NFATC1: variants seen among roughly 807,000 people sequenced by gnomAD.
NFATC1 encodes nuclear factor of activated T cells 1.
Under a neutral mutation model 76.0 loss-of-function variants are expected in NFATC1, and 22 were observed. That is an observed-to-expected ratio of 0.29 (90% CI 0.21 to 0.41). The LOEUF (loss-of-function observed/expected upper bound fraction) is 0.41, where lower values mean the gene tolerates loss of function less well. NFATC1 is among the 10% of genes least tolerant of loss of function. The probability of loss-of-function intolerance (pLI) is 1.00; values close to 1 mark genes in which losing one functional copy is unlikely to be tolerated. For missense variants in NFATC1, 1,357 were observed against 1,337.7 expected (o/e 1.01, Z -0.23); for synonymous variants, 704 against 613.1 (o/e 1.15, Z -2.19).
In NFATC1 at chr18:79,451,781, A is replaced by G. The variant is rs1568979046; in HGVS notation, c.1868A>G (p.Gln623Arg). Residue 623 changes from glutamine (Q) to arginine (R), a missense_variant, in exon 6 of 10, where the codon CAG becomes CGG. This residue lies in a region of NFATC1 where 242 missense variants were observed against 329.2 expected (regional missense o/e 0.74). Transcript: ENST00000427363. Reference sequence around the variant, plus strand: ...GTCCTGTCTGGCCACAACTTCCTGCAGGACTCCAAGGTCATTTTCGTGGAG... The same window carrying G: ...GTCCTGTCTGGCCACAACTTCCTGCGGGACTCCAAGGTCATTTTCGTGGAG... ...KMVLSGHNFL[Q>R]DSKVIFVEKA... is the part of the protein sequence containing the mutation. 1 of 1,612,732 alleles carries G rather than the reference A, an allele frequency of 6.2e-7. No homozygotes were observed. Among genetic ancestry groups the G allele is most frequent in the South Asian group, 1.1e-5 (1 of 90,694 alleles).
chr18:79,449,018 G>A lies in NFATC1; in HGVS notation c.1589+34G>A, dbSNP rs748567326. 1.0e-5 allele frequency: 16 copies of A among 1,604,624 alleles called. No homozygotes were observed. In the South Asian group the frequency reaches 1.7e-4, roughly 17 times the overall value. On this transcript the variant is annotated intron_variant, in intron 4 of 9. Transcript: ENST00000427363. ...CGGGGGACCTCCGGCCTCTGGCAGG[G>A]GGCGGTAGGAGGGGGCGTGCCTCCC...
At chr18:79,467,887 A>T in intron 8 of NFATC1, 1 of 1,177,300 alleles carries the variant, frequency 8.5e-7, no homozygotes, top group Non-Finnish European at 1.1e-6. Flanking sequence ...CTGCTCCAAA[A>T]AACTGAGGGG....
At chr18:79,468,794 A>G (rs1049577841) in intron 8 of NFATC1, 1 of 152,402 alleles carries the variant, frequency 6.6e-6, no homozygotes, top group African/African-American at 2.4e-5. Flanking sequence ...TCTGTGAGAC[A>G]GAGCTGCAGG....
At chr18:79,497,903 A>G (rs2089929596) in intron 9 of NFATC1, 1 of 152,136 alleles carries the variant, frequency 6.6e-6, no homozygotes, top group Non-Finnish European at 1.5e-5. Flanking sequence ...CCTGGCTTAA[A>G]GACAGAAACA....
chr18:79,459,747 A>T (rs918294113), intron 6 of NFATC1, among the ~76,000 whole-genome samples: 2 of 152,106 alleles, frequency 1.3e-5, no homozygotes, highest in Non-Finnish European at 2.9e-5. Context: ...TTGTCATAAG[A>T]AAAGTTCAAA....
chr18:79,514,480 C>T (rs987635643), intron 9 of NFATC1, among the ~76,000 whole-genome samples: 1 of 145,976 alleles, frequency 6.9e-6, no homozygotes, highest in African/African-American at 2.6e-5. Context: ...GAGAAAGGAT[C>T]GCATAAGCCT....
chr18:79,467,135 G>C lies in NFATC1; in HGVS notation c.1960-315G>C, dbSNP rs117312536. 9.8e-3 allele frequency among the ~76,000 whole-genome samples: 1,493 copies of C among 152,362 alleles called. 13 individuals are homozygous for C. The highest frequency in any genetic ancestry group is 0.023 in the South Asian group (113 of 4,830). ...TGTGCTGCTCTGAGGAAGCCTCTCG[G>C]CTCCTGGGTGTGCAAGAAGCCAAGG... is the stretch of plus-strand genomic sequence containing the variant. On this transcript the variant is annotated intron_variant, in intron 7 of 9. Coordinates refer to ENST00000427363, the MANE Select transcript of NFATC1 (RefSeq NM_001278669.2).
intron 9 of NFATC1, among the ~76,000 whole-genome samples, chr18:79,490,799 C>G (rs979540101): frequency 2.0e-5 from 3 of 152,130 alleles, no homozygotes; most frequent in Non-Finnish European, 4.4e-5. Context: ...GAGTCTGGGT[C>G]GGCCCCTCCC....
chr18:79,486,448 A>G lies in NFATC1; in HGVS notation c.2293A>G (p.Ser765Gly), dbSNP rs1443057610. Reference sequence around the variant, plus strand: ...CCTGATGCCAGCGGCCCCTGGCGTGAGCCCCAAGCTCCACGACCTTTCTCC... The same window carrying G: ...CCTGATGCCAGCGGCCCCTGGCGTGGGCCCCAAGCTCCACGACCTTTCTCC... ...STLMPAAPGV[S>G]PKLHDLSPAA... Residue 765 changes from serine to glycine, a missense_variant, in exon 9 of 10, where the codon AGC becomes GGC. Physicochemically the swap from Ser to Gly is moderately conservative, Grantham distance 56. Transcript: ENST00000427363. 1 of 1,611,596 alleles carries G rather than the reference A, an allele frequency of 6.2e-7. No individual in the cohort carries two copies. Among genetic ancestry groups the G allele is most frequent in the Non-Finnish European group, 8.5e-7 (1 of 1,179,830 alleles).
At position 79,463,240 on chromosome 18, in the gene NFATC1, G is replaced by A. The variant is rs549231620; in HGVS notation, c.1959+1874G>A. ...CACAGGGTTCCAGTTCAATGCTGTC[G>A]CTTTTCTTGCCTTCACCTGAGAAGC... On this transcript the variant is annotated intron_variant, in intron 7 of 9. Transcript: ENST00000427363. Among the ~76,000 whole-genome samples the A allele has an allele frequency of 4.0e-3, 607 of 152,284 alleles. 3 individuals carry two copies. The highest frequency in any genetic ancestry group is 6.7e-3 in the Non-Finnish European group (454 of 68,002).
chr18:79,500,058 A>G (rs1398754602), intron 9 of NFATC1, among the ~76,000 whole-genome samples: 5 of 152,208 alleles, frequency 3.3e-5, no homozygotes, highest in Admixed American at 1.3e-4. Context: ...CTTAATGGAT[A>G]GAACAACTAG....
intron 1 of NFATC1, among the ~76,000 whole-genome samples, chr18:79,407,592 C>T (rs958402313): frequency 2.0e-5 from 3 of 152,190 alleles, no homozygotes; most frequent in Non-Finnish European, 2.9e-5. Flanking sequence ...GGACTACAGG[C>T]GTGCGCCACC....
At chr18:79,453,508 C>T (rs945142819) in intron 6 of NFATC1, among the ~76,000 whole-genome samples, 2 of 152,240 alleles carry the variant, frequency 1.3e-5, no homozygotes, top group Admixed American at 6.5e-5. Flanking sequence ...CTCCTGCCTT[C>T]ATCATCACTG....
chr18:79,448,732 G>T (rs757151480), intron 3 of NFATC1, 50 bp from the exon 4 acceptor site: 2 of 1,577,148 alleles, frequency 1.3e-6, no homozygotes, highest in South Asian at 2.3e-5. Context: ...GGTGACTCCC[G>T]GCGGTCTGTG....
At chr18:79,459,063 G>T (rs999920250) in intron 6 of NFATC1, among the ~76,000 whole-genome samples, 2 of 152,262 alleles carry the variant, frequency 1.3e-5, no homozygotes, top group Non-Finnish European at 2.9e-5. Flanking sequence ...AAGGCCACAG[G>T]CGCTGGCTCA....
At chr18:79,508,403 C>T (rs767515574) in intron 9 of NFATC1, among the ~76,000 whole-genome samples, 6 of 152,052 alleles carry the variant, frequency 3.9e-5, no homozygotes, top group Admixed American at 6.5e-5. Flanking sequence ...GGTGAGGGGG[C>T]GCATGGGCAG....
At chr18:79,506,250 C>G (rs1477074941) in intron 9 of NFATC1, among the ~76,000 whole-genome samples, 1 of 152,184 alleles carries the variant, frequency 6.6e-6, no homozygotes, top group African/African-American at 2.4e-5. Flanking sequence ...TGGAGAGGAA[C>G]AGTGGTCTCG....
chr18:79,413,858 T>G (rs934082053), intron 2 of NFATC1, among the ~76,000 whole-genome samples: 9 of 152,152 alleles, frequency 5.9e-5, no homozygotes, highest in African/African-American at 1.4e-4. Flanking sequence ...TTTCCTCTGC[T>G]TGGGGGTTTC....
At position 79,486,934 on chromosome 18, in the gene NFATC1, G is replaced by C. The variant is rs756913636; in HGVS notation, c.2779G>C (p.Asp927His). 18 of 1,590,262 alleles carry C rather than the reference G, an allele frequency of 1.1e-5. No individual in the cohort carries two copies. Among genetic ancestry groups the C allele is most frequent in the Non-Finnish European group, 1.5e-5 (17 of 1,165,556 alleles). Reference protein sequence around the residue: ...PEELDQLYLDDVNEIIRNDLS... With the variant: ...PEELDQLYLDHVNEIIRNDLS... ...AGAGTTGGACCAGTTGTACCTGGATGACGGTGAGTGCCCGCAGCCATGCAG... is the reference window on the plus strand; with the variant it reads ...AGAGTTGGACCAGTTGTACCTGGATCACGGTGAGTGCCCGCAGCCATGCAG... The change falls in exon 9 of 10, where the codon GAC becomes CAC. Residue 927 changes from aspartate to histidine, a missense_variant. Transcript: ENST00000427363.
Sources: allele counts gnomAD v4.1 joint callset (sites outside exome capture counted in the v4.1 genomes callset), GRCh38; gene constraint gnomAD v4.1.1; regional missense constraint gnomAD v4.1.1; transcripts MANE v1.5; gene names NCBI Gene and HGNC (gene_info 2026-07-23, HGNC 2026-07-21).